TMEM132B: variants seen among roughly 807,000 people sequenced by gnomAD.
TMEM132B encodes the protein transmembrane protein 132B.
In TMEM132B, 18 loss-of-function variants were observed where a neutral mutation model predicts 90.8. The ratio of observed to expected loss-of-function variants is 0.20; its 90% confidence interval spans 0.14 to 0.29. TMEM132B has a LOEUF of 0.29. Among genes scored for constraint, TMEM132B ranks in the 10% least tolerant of loss-of-function variants. The pLI is 1.00. For synonymous variants in TMEM132B, 504 were observed against 523.3 expected (o/e 0.96, Z 0.50); for missense variants, 1,096 against 1,326.8 (o/e 0.83, Z 2.70).
chr12:125,302,500 T>C (rs1399138450), intron 1 of TMEM132B, among the ~76,000 whole-genome samples: 1 of 152,144 alleles, frequency 6.6e-6, no homozygotes, highest in Non-Finnish European at 1.5e-5. Flanking sequence ...TTGTTCGTTA[T>C]ACAGCACTAT....
At chr12:125,202,081 T>C (rs927512255) in intron 1 of TMEM132B, among the ~76,000 whole-genome samples, 8 of 152,202 alleles carry the variant, frequency 5.3e-5, no homozygotes, top group Middle Eastern at 3.2e-3. Flanking sequence ...AGTTCATGAC[T>C]TGCACACAAC....
At chr12:125,367,482 A>T (rs1338376111) in intron 2 of TMEM132B, among the ~76,000 whole-genome samples, 2 of 152,168 alleles carry the variant, frequency 1.3e-5, no homozygotes, top group African/African-American at 4.8e-5. Context: ...GACAGGTAGA[A>T]TTTGAGCATT....
chr12:125,359,949 G>A (rs1376743961), intron 2 of TMEM132B, among the ~76,000 whole-genome samples: 1 of 152,138 alleles, frequency 6.6e-6, no homozygotes, highest in South Asian at 2.1e-4. Flanking sequence ...GTGGTGGCAC[G>A]TGCCTCTAGT....
At chr12:125,222,311 A>G (rs752721873) in intron 1 of TMEM132B, among the ~76,000 whole-genome samples, 11 of 152,188 alleles carry the variant, frequency 7.2e-5, no homozygotes, top group Non-Finnish European at 1.5e-4. Flanking sequence ...AAATCAGTAT[A>G]ATAAGATTAA....
chr12:125,198,751 G>A (rs773943697), intron 1 of TMEM132B, among the ~76,000 whole-genome samples: 6 of 152,192 alleles, frequency 3.9e-5, no homozygotes, highest in Non-Finnish European at 7.4e-5. Context: ...ACCAAGTAGG[G>A]TGGTGAGAAC....
chr12:125,332,702 C>T (rs1876822425), intron 1 of TMEM132B, among the ~76,000 whole-genome samples: 3 of 142,100 alleles, frequency 2.1e-5, no homozygotes, highest in Non-Finnish European at 3.0e-5. Context: ...ATGTTGAAGG[C>T]GTCTGAGGTC....
At chr12:125,419,516 A>G (rs1261455316) in intron 3 of TMEM132B, among the ~76,000 whole-genome samples, 1 of 152,156 alleles carries the variant, frequency 6.6e-6, no homozygotes, top group Non-Finnish European at 1.5e-5. Context: ...CATGAGAAAG[A>G]CCCACCCCCA....
intron 4 of TMEM132B, among the ~76,000 whole-genome samples, chr12:125,550,702 CT>C (rs1472685829): frequency 1.3e-5 from 2 of 152,196 alleles, no homozygotes; most frequent in Non-Finnish European, 2.9e-5. Context: ...CACAACATTT[CT>C]TTTAAAAACT....
intron 3 of TMEM132B, among the ~76,000 whole-genome samples, chr12:125,417,210 G>T (rs35260256): frequency 0.082 from 12,515 of 152,174 alleles, 559 homozygotes; most frequent in East Asian, 0.15. Flanking sequence ...TCCAAAGACT[G>T]GAAGGGGGAG....
At chr12:125,304,213 G>T (rs187778623) in intron 1 of TMEM132B, among the ~76,000 whole-genome samples, 1 of 152,254 alleles carries the variant, frequency 6.6e-6, no homozygotes, top group African/African-American at 2.4e-5. Flanking sequence ...TAACGTGAGC[G>T]ATGGGGAGCG....
In TMEM132B at chr12:125,515,699, TCA is replaced by T. The variant is rs369817948; in HGVS notation, c.1107-3735_1107-3734del. Among the ~76,000 whole-genome samples, 335 of 151,172 alleles carry T rather than the reference TCA, an allele frequency of 2.2e-3. 3 individuals are homozygous for T. The highest frequency in any genetic ancestry group is 7.8e-3 in the African/African-American group (323 of 41,148). ...CACTCACACACATTCCCTCCCACAC[TCA>T]CACAACACATTCACACGTTCTCACA... is the stretch of plus-strand genomic sequence containing the variant. On this transcript the variant is annotated intron_variant, in intron 3 of 8. Transcript: ENST00000682704.
At position 125,408,261 on chromosome 12, in the gene TMEM132B, C is replaced by T. The variant is rs145335722; in HGVS notation, c.960-7270C>T. On this transcript the variant is annotated intron_variant, in intron 2 of 8. Coordinates refer to ENST00000682704, the MANE Select transcript of TMEM132B (RefSeq NM_001366854.1). This position sits in a 1 kb window ranked among gnomAD's most constrained non-coding sequence, Gnocchi z 5.9. ...GTGAGATGTTACGCTTTACCAGTTC[C>T]GTTGTCAATGGGTGCTAGGGTCTGA... Among the ~76,000 whole-genome samples, 935 of 152,256 alleles carry T rather than the reference C, an allele frequency of 6.1e-3. 10 individuals are homozygous for T. Among genetic ancestry groups the T allele is most frequent in the Non-Finnish European group, 7.2e-3 (493 of 68,024 alleles).
chr12:125,247,919 A>C (rs1421046131), intron 1 of TMEM132B, among the ~76,000 whole-genome samples: 1 of 152,068 alleles, frequency 6.6e-6, no homozygotes, highest in Non-Finnish European at 1.5e-5. Context: ...AGCTAGTTTG[A>C]GTTGGTTTTC....
At chr12:125,316,727 A>C (rs1487794294) in intron 1 of TMEM132B, among the ~76,000 whole-genome samples, 1 of 152,198 alleles carries the variant, frequency 6.6e-6, no homozygotes, top group Non-Finnish European at 1.5e-5. Flanking sequence ...ACGGTGCCAG[A>C]TGTCCACTAG....
chr12:125,568,386 C>A (rs1359582995), intron 4 of TMEM132B, among the ~76,000 whole-genome samples: 1 of 152,214 alleles, frequency 6.6e-6, no homozygotes, highest in African/African-American at 2.4e-5. Flanking sequence ...TCCTTGTCTT[C>A]TTCTCACTGG....
Position 125,458,883 on chromosome 12 carries a change from A to G in TMEM132B, c.1106+43206A>G, listed in dbSNP as rs4765255. 0.56 allele frequency among the ~76,000 whole-genome samples: 84,711 copies of G among 152,100 alleles called. 24,859 individuals are homozygous for G. The highest frequency in any genetic ancestry group is 0.75 in the African/African-American group (31,254 of 41,486). On this transcript the variant is annotated intron_variant, in intron 3 of 8. Transcript: ENST00000682704. The surrounding 1 kb of genome is among the most constrained non-coding windows in gnomAD (Gnocchi z 4.9). ...GCTGTCTTTATTTTAGTTCCATGCT[A>G]TGACACTCCTGACAGCACAGATGTG...
intron 4 of TMEM132B, among the ~76,000 whole-genome samples, chr12:125,541,236 A>C (rs752288626): frequency 1.3e-5 from 2 of 152,218 alleles, no homozygotes; most frequent in Non-Finnish European, 2.9e-5. Flanking sequence ...CTGGAACAGC[A>C]GCTGACACAT....
chr12:125,609,221 C>T (rs1885767453), intron 5 of TMEM132B, among the ~76,000 whole-genome samples: 1 of 152,146 alleles, frequency 6.6e-6, no homozygotes, highest in Admixed American at 6.5e-5. Flanking sequence ...TGGGTGGGGA[C>T]AGAGCGAAAC....
chr12:125,324,496 T>C (rs954395850), intron 1 of TMEM132B, among the ~76,000 whole-genome samples: 2 of 152,176 alleles, frequency 1.3e-5, no homozygotes, highest in African/African-American at 4.8e-5. Flanking sequence ...TAGAGCAGGG[T>C]TCCCCAACCC....
Sources: gnomAD v4.1 joint callset for allele counts (sites outside exome capture counted in the v4.1 genomes callset) on GRCh38, gnomAD v4.1.1 for gene constraint, Gnocchi (gnomAD v3.1) non-coding constraint, MANE v1.5 for transcripts, NCBI Gene and HGNC (gene_info 2026-07-23, HGNC 2026-07-21) for gene names.